Variants in SNRPN observed in about 807,000 individuals in gnomAD.
SNRPN encodes the protein small nuclear ribonucleoprotein-associated protein N.
SNRPN carries 7 observed loss-of-function variants against 25.2 expected under a neutral mutation model. The ratio of observed to expected loss-of-function variants is 0.28; its 90% confidence interval spans 0.16 to 0.52. The LOEUF (loss-of-function observed/expected upper bound fraction) is 0.52, where lower values mean the gene tolerates loss of function less well. Among genes scored for constraint, SNRPN ranks in the 20% least tolerant of loss-of-function variants. The probability of loss-of-function intolerance (pLI) is 0.96; values close to 1 mark genes in which losing one functional copy is unlikely to be tolerated. For missense variants in SNRPN, 196 were observed against 322.5 expected, an observed-to-expected ratio of 0.61 and a Z score of 3.00; for synonymous variants, 124 against 110.6, an observed-to-expected ratio of 1.12 and a Z score of -0.76.
intron 2 of SNRPN, among the ~76,000 whole-genome samples, chr15:24,887,170 C>T (rs543692522): frequency 3.0e-5 from 4 of 133,260 alleles, no homozygotes; most frequent in African/African-American, 5.8e-5. Context: ...TTTTTTGAGA[C>T]GGAGTCTTGC....
chr15:24,855,127 A>T (rs1439977635), upstream of SNRPN, among the ~76,000 whole-genome samples: 1 of 152,186 alleles, frequency 6.6e-6, no homozygotes, highest in African/African-American at 2.4e-5. Context: ...ATACATAATT[A>T]TCTGATTTGT....
chr15:24,890,502 C>T (rs2057585245), intron 2 of SNRPN, among the ~76,000 whole-genome samples: 1 of 152,038 alleles, frequency 6.6e-6, no homozygotes, highest in African/African-American at 2.4e-5. Context: ...TGGTGAAACC[C>T]CACCTCTACT....
intron 2 of SNRPN, among the ~76,000 whole-genome samples, chr15:24,917,879 CT>C (rs2059631727): frequency 6.6e-6 from 1 of 152,130 alleles, no homozygotes; most frequent in African/African-American, 2.4e-5. Context: ...TAATCTTATA[CT>C]TTTTTCTTTT....
chr15:24,925,220 T>C (rs769125914), intron 3 of SNRPN, among the ~76,000 whole-genome samples: 3 of 152,216 alleles, frequency 2.0e-5, no homozygotes, highest in Non-Finnish European at 4.4e-5. Flanking sequence ...TGTTGCTTAC[T>C]AGCTTATAAA....
intron 2 of SNRPN, among the ~76,000 whole-genome samples, chr15:24,898,031 A>G (rs777333284): frequency 1.8e-4 from 28 of 152,196 alleles, no homozygotes; most frequent in Non-Finnish European, 7.3e-5. Context: ...TCAAATAGGC[A>G]CTACAAGAGC....
intron 3 of SNRPN, among the ~76,000 whole-genome samples, chr15:24,932,297 C>A (rs565699693): frequency 6.6e-6 from 1 of 152,194 alleles, no homozygotes; most frequent in South Asian, 2.1e-4. Flanking sequence ...TGCAATGGTG[C>A]GATCTTGGCT....
At chr15:24,903,401 C>T (rs184176948) in intron 2 of SNRPN, among the ~76,000 whole-genome samples, 371 of 152,094 alleles carry the variant, frequency 2.4e-3, no homozygotes, top group African/African-American at 8.7e-3. Flanking sequence ...CAGGCAAAAG[C>T]GTAGAGGGTT....
intron 2 of SNRPN, chr15:24,848,221 G>GA (rs2052391032): frequency 1.4e-5 from 2 of 139,282 alleles, no homozygotes; most frequent in African/African-American, 5.5e-5. Flanking sequence ...CTGGGGGGCG[G>GA]GGGCGGCGGT....
At chr15:24,853,043 A>G (rs1419824762), upstream of SNRPN, among the ~76,000 whole-genome samples, 4 of 152,226 alleles carry the variant, frequency 2.6e-5, no homozygotes, top group African/African-American at 9.6e-5. Context: ...TAAGCTTGAC[A>G]GTGCTTTTAG....
intron 1 of SNRPN, among the ~76,000 whole-genome samples, chr15:24,824,518 T>C (rs894929117): frequency 6.6e-6 from 1 of 152,124 alleles, no homozygotes; most frequent in Non-Finnish European, 1.5e-5. Context: ...TAGTTTGCAC[T>C]GAAATAAAAA....
chr15:24,969,772 A>G (rs1184673395), intron 3 of SNRPN, among the ~76,000 whole-genome samples: 1 of 152,188 alleles, frequency 6.6e-6, no homozygotes, highest in Non-Finnish European at 1.5e-5. Flanking sequence ...CCTAAATAGT[A>G]CCCATTACTA....
intron 3 of SNRPN, among the ~76,000 whole-genome samples, chr15:24,936,414 G>A (rs888951079): frequency 1.3e-5 from 2 of 152,066 alleles, no homozygotes; most frequent in African/African-American, 4.8e-5. Flanking sequence ...TGGCAGAAAC[G>A]GAGTCAGATT....
chr15:24,921,859 CTG>C (rs1338481133), intron 3 of SNRPN, among the ~76,000 whole-genome samples: 1 of 152,042 alleles, frequency 6.6e-6, no homozygotes, highest in Non-Finnish European at 1.5e-5. Flanking sequence ...GTATCAGCCA[CTG>C]TTCCTCTTTT....
chr15:24,874,414 A>G (rs2055641416), intron 1 of SNRPN, among the ~76,000 whole-genome samples: 1 of 150,920 alleles, frequency 6.6e-6, no homozygotes, highest in Admixed American at 6.6e-5. Flanking sequence ...ATGAGGGCTG[A>G]TGAGCTTTGG....
chr15:24,887,265 A>T (rs547658579), intron 2 of SNRPN, among the ~76,000 whole-genome samples: 1 of 150,510 alleles, frequency 6.6e-6, no homozygotes, highest in African/African-American at 2.5e-5. Context: ...CTCCTGCCTC[A>T]GGCTCCCATG....
chr15:24,962,244 C>T (rs1432806470), intron 2 of SNRPN, 35 bp downstream of exon 2: 1 of 1,544,492 alleles, frequency 6.5e-7, no homozygotes, highest in South Asian at 1.1e-5. Flanking sequence ...AAATGCAAGT[C>T]AGAATCTCCT....
At chr15:24,864,139 G>T (rs1360441404) in intron 1 of SNRPN, among the ~76,000 whole-genome samples, 2 of 148,098 alleles carry the variant, frequency 1.4e-5, no homozygotes, top group East Asian at 2.0e-4. Context: ...CTATTCTCCT[G>T]CCTCAGCCTC....
At chr15:24,869,728 C>T (rs979799874) in intron 1 of SNRPN, among the ~76,000 whole-genome samples, 1 of 152,110 alleles carries the variant, frequency 6.6e-6, no homozygotes, top group African/African-American at 2.4e-5. Context: ...GACAAGTTAG[C>T]CTTTGTCAAA....
chr15:24,849,062 A>T (rs1473306838), intron 2 of SNRPN: 1 of 152,168 alleles, frequency 6.6e-6, no homozygotes, highest in Admixed American at 6.5e-5. Context: ...CCTCCCGGGT[A>T]GCTGGGATTA....
Sources: allele counts gnomAD v4.1 joint callset (sites outside exome capture counted in the v4.1 genomes callset), GRCh38; gene constraint gnomAD v4.1.1; transcripts MANE v1.5; gene names NCBI Gene and HGNC (gene_info 2026-07-23, HGNC 2026-07-21).